The following ZBTB20 variants were observed in gnomAD, a reference collection of about 807,000 sequenced individuals.
ZBTB20 encodes the protein zinc finger and BTB domain containing 20.
A neutral mutation model predicts 56.9 loss-of-function variants in ZBTB20; 9 were observed. The observed-to-expected ratio is 0.16, with a 90% CI of 0.10 to 0.28. ZBTB20 has a LOEUF of 0.28. Ranked by LOEUF, ZBTB20 falls within the 10% of genes least tolerant of loss-of-function variation. The pLI is 1.00. For missense variants in ZBTB20, 655 were observed against 1,003.0 expected (o/e 0.65, Z 4.69); for synonymous variants, 417 against 420.7 (o/e 0.99, Z 0.11).
intron 3 of ZBTB20, among the ~76,000 whole-genome samples, chr3:114,929,165 A>G (rs190896078): frequency 7.9e-5 from 12 of 152,362 alleles, no homozygotes; most frequent in African/African-American, 2.9e-4. Context: ...CAGGGCACTA[A>G]GCTATTTCGA....
At chr3:114,696,478 G>T (rs1281645529) in intron 5 of ZBTB20, among the ~76,000 whole-genome samples, 1 of 152,072 alleles carries the variant, frequency 6.6e-6, no homozygotes, top group East Asian at 1.9e-4. Context: ...TCACACACCT[G>T]AACTTAATTT....
At chr3:114,667,645 T>C (rs971804952) in intron 6 of ZBTB20, among the ~76,000 whole-genome samples, 2 of 152,208 alleles carry the variant, frequency 1.3e-5, no homozygotes, top group South Asian at 2.1e-4. Flanking sequence ...AAGGCATTTA[T>C]GTGTTAGGTA....
At chr3:114,539,496 AT>A (rs1306515214) in intron 6 of ZBTB20, among the ~76,000 whole-genome samples, 1 of 152,108 alleles carries the variant, frequency 6.6e-6, no homozygotes, top group Non-Finnish European at 1.5e-5. Context: ...TGTTATACCC[AT>A]TTTACAGATA....
intron 7 of ZBTB20, among the ~76,000 whole-genome samples, chr3:114,481,121 G>A (rs1285724199): frequency 6.6e-6 from 1 of 152,012 alleles, no homozygotes; most frequent in East Asian, 1.9e-4. Context: ...GGCCAATATA[G>A]AGATAATATA....
At position 114,334,684 on chromosome 3, in the gene ZBTB20, T is replaced by C. The variant is rs2079389289; in HGVS notation, c.*4321A>G. 6.6e-6 allele frequency: 1 copy of C among 152,212 alleles called. No homozygotes were observed. The highest frequency in any genetic ancestry group is 2.4e-5 in the African/African-American group (1 of 41,460). The allele number at this position is 152,212 out of a possible 1,614,324, so 9.4% of individuals were successfully genotyped here. On this transcript the variant is annotated 3_prime_UTR_variant, in exon 12 of 12. Transcript: ENST00000675478. Reference sequence around the variant, plus strand: ...AAGTCTTTCTAAGGCCAAGAGCTACTATGATCTCTAAGATGACTAGGAATG... The same window carrying C: ...AAGTCTTTCTAAGGCCAAGAGCTACCATGATCTCTAAGATGACTAGGAATG...
intron 5 of ZBTB20, among the ~76,000 whole-genome samples, chr3:114,794,845 T>C (rs1008790607): frequency 1.3e-5 from 2 of 152,098 alleles, no homozygotes; most frequent in Admixed American, 6.6e-5. Flanking sequence ...AGAATAATGA[T>C]GATTTATTTT....
chr3:114,380,694 G>T (rs1368735886), intron 9 of ZBTB20, 83 bp downstream of exon 9: 2 of 1,444,050 alleles, frequency 1.4e-6, no homozygotes, highest in Non-Finnish European at 9.0e-7. Flanking sequence ...AGCTACGTAT[G>T]GCTGACATTA....
chr3:114,905,429 T>C (rs2075284624), intron 3 of ZBTB20, among the ~76,000 whole-genome samples: 1 of 151,846 alleles, frequency 6.6e-6, no homozygotes, highest in South Asian at 2.1e-4. Flanking sequence ...ATAATAATCA[T>C]TTTATTGCAC....
At chr3:114,421,896 C>T (rs1251182416) in intron 7 of ZBTB20, among the ~76,000 whole-genome samples, 9 of 151,610 alleles carry the variant, frequency 5.9e-5, no homozygotes, top group Admixed American at 5.9e-4. Flanking sequence ...GTTGACACCA[C>T]CCTGTCTCTC....
intron 7 of ZBTB20, among the ~76,000 whole-genome samples, chr3:114,449,683 TAAA>T (rs11439656): frequency 3.7e-5 from 5 of 134,534 alleles, no homozygotes; most frequent in Non-Finnish European, 4.7e-5. Context: ...AGCCTAGCTT[TAAA>T]AAAAAAAAAA....
At chr3:114,469,153 T>C (rs907146448) in intron 7 of ZBTB20, among the ~76,000 whole-genome samples, 1 of 152,022 alleles carries the variant, frequency 6.6e-6, no homozygotes, top group African/African-American at 2.4e-5. Context: ...TAGATGCAGC[T>C]CATAGGCCAC....
intron 1 of ZBTB20, among the ~76,000 whole-genome samples, chr3:115,108,464 G>C (rs1450811356): frequency 6.6e-6 from 1 of 152,136 alleles, no homozygotes; most frequent in Non-Finnish European, 1.5e-5. Context: ...AGGAAGAAGA[G>C]GAGTAGTGGG....
intron 2 of ZBTB20, among the ~76,000 whole-genome samples, chr3:115,028,160 T>C (rs2080503744): frequency 6.6e-6 from 1 of 150,836 alleles, no homozygotes; most frequent in Admixed American, 6.6e-5. Flanking sequence ...TTGACCAATA[T>C]CTCCTTAAAC....
chr3:115,043,429 T>C (rs1054150183), intron 2 of ZBTB20, among the ~76,000 whole-genome samples: 7 of 146,956 alleles, frequency 4.8e-5, no homozygotes, highest in African/African-American at 1.7e-4. Context: ...ATTAGCCAGG[T>C]GTGGTGGCAG....
intron 3 of ZBTB20, among the ~76,000 whole-genome samples, chr3:114,912,256 G>A (rs437008): frequency 2.0e-5 from 3 of 150,228 alleles, no homozygotes; most frequent in Admixed American, 6.7e-5. Flanking sequence ...AGACTTAGAA[G>A]AAATGCTAAA....
chr3:114,953,449 G>T (rs1257588176), intron 3 of ZBTB20, among the ~76,000 whole-genome samples: 1 of 151,542 alleles, frequency 6.6e-6, no homozygotes. Context: ...TTTTTTTAAT[G>T]ACCCAATTAT....
At chr3:115,019,980 G>A (rs1388831025) in intron 2 of ZBTB20, among the ~76,000 whole-genome samples, 1 of 151,244 alleles carries the variant, frequency 6.6e-6, no homozygotes. Context: ...ATGCAGAACA[G>A]TCCAGCTAAC....
At chr3:115,004,728 A>C (rs1020558938) in intron 2 of ZBTB20, among the ~76,000 whole-genome samples, 2 of 151,746 alleles carry the variant, frequency 1.3e-5, no homozygotes, top group Admixed American at 1.3e-4. Context: ...ACTGAGGAAG[A>C]CATATTTATA....
intron 6 of ZBTB20, among the ~76,000 whole-genome samples, chr3:114,605,588 A>G (rs1322204711): frequency 1.3e-5 from 2 of 152,230 alleles, no homozygotes; most frequent in South Asian, 2.1e-4. Flanking sequence ...AAATATTTCA[A>G]TCTAGTGGGG....
Sources: allele counts gnomAD v4.1 joint callset (sites outside exome capture counted in the v4.1 genomes callset), GRCh38; gene constraint gnomAD v4.1.1; transcripts MANE v1.5; gene names NCBI Gene and HGNC (gene_info 2026-07-23, HGNC 2026-07-21).